The following ANKDD1A variants were observed in gnomAD, a reference collection of about 807,000 sequenced individuals.
The protein encoded by ANKDD1A is ankyrin repeat and death domain containing 1A, also known as ankyrin repeat and death domain-containing protein 1A.
In ANKDD1A, 59 loss-of-function variants were observed where a neutral mutation model predicts 63.5. That is an observed-to-expected ratio of 0.93 (90% confidence interval 0.75 to 1.15). The LOEUF (loss-of-function observed/expected upper bound fraction) is 1.15, where lower values mean the gene tolerates loss of function less well. ANKDD1A is among the 50% of genes most tolerant of loss of function. The pLI is 0.00. For missense variants in ANKDD1A, 632 were observed against 656.4 expected (o/e 0.96, Z 0.41); for synonymous variants, 266 against 263.9 (o/e 1.01, Z -0.08).
rs764296795 is a variant in ANKDD1A, at chr15:64,931,510, G to T, written c.693G>T (p.Ser231=). The change falls in exon 8 of 15, where the codon TCG becomes TCT. Residue 231 remains serine (S), a synonymous_variant. Transcript: ENST00000319580. The part of the protein sequence containing the change: ...QNAEGLTALH[S]AAGGSHPDCV... ...AGGAAGGTCTGACTGCCCTGCATTCGGCTGCTGGAGGATCCCACCCTGACT... is the reference window on the plus strand; with the variant it reads ...AGGAAGGTCTGACTGCCCTGCATTCTGCTGCTGGAGGATCCCACCCTGACT... 6.2e-7 allele frequency: 1 copy of T among 1,613,932 alleles called. No individual in the cohort carries two copies. The highest frequency in any genetic ancestry group is 1.7e-5 in the Admixed American group (1 of 60,014).
chr15:64,937,114 A>G (rs1361560816), intron 9 of ANKDD1A, among the ~76,000 whole-genome samples: 9 of 150,258 alleles, frequency 6.0e-5, no homozygotes, highest in Admixed American at 5.3e-4. Flanking sequence ...AGTTGGTACA[A>G]TCTGTTCAGA....
At chr15:64,935,225 CA>C (rs1243053667) in intron 9 of ANKDD1A, among the ~76,000 whole-genome samples, 79,287 of 98,800 alleles carry the variant, frequency 0.8, 31,292 homozygotes, top group Middle Eastern at 0.92. Context: ...GACTCTGTCT[CA>C]AAAAAAAAAA....
At chr15:64,941,036 C>A (rs2085180943) in intron 9 of ANKDD1A, among the ~76,000 whole-genome samples, 1 of 152,204 alleles carries the variant, frequency 6.6e-6, no homozygotes, top group Non-Finnish European at 1.5e-5. Flanking sequence ...AGCTACCACA[C>A]CTGGCCTTGC....
intron 14 of ANKDD1A, among the ~76,000 whole-genome samples, chr15:64,953,752 T>C (rs2085358389): frequency 7.6e-6 from 1 of 130,916 alleles, no homozygotes; most frequent in African/African-American, 2.6e-5. Context: ...TTTCCTCTTT[T>C]CTTCGTTCTT....
At chr15:64,953,478 CCTTCTCCTTCTTCT>C (rs2085341531) in intron 14 of ANKDD1A, among the ~76,000 whole-genome samples, 1 of 94,438 alleles carries the variant, frequency 1.1e-5, no homozygotes, top group African/African-American at 3.4e-5. Context: ...TCTTCCTCTT[CCTTCTCCTTCTTCT>C]TTAGTTCTTC....
chr15:64,954,942 CTCT>C lies in ANKDD1A; in HGVS notation c.1484-2154_1484-2152del, dbSNP rs1413247892. ...CTCTCCTTCTTCTCCTTCTTCTTGTCTCTTCTTCTCTCTCCTTCTTCTTCTCCT... is the reference window on the plus strand; with the variant it reads ...CTCTCCTTCTTCTCCTTCTTCTTGTCTCTTCTCTCTCCTTCTTCTTCTCCT... On this transcript the variant is annotated intron_variant, in intron 14 of 14. Coordinates refer to ENST00000319580, the MANE Select transcript of ANKDD1A (RefSeq NM_182703.6). 1.5e-3 allele frequency among the ~76,000 whole-genome samples: 182 copies of C among 122,890 alleles called. 1 individual carries two copies. Among genetic ancestry groups the C allele is most frequent in the African/African-American group, 4.9e-3 (175 of 35,490 alleles). 80.6% of individuals were successfully genotyped at this position (122,890 alleles called of 152,430 possible).
In ANKDD1A at chr15:64,934,206, C is replaced by T. The variant is rs2085110172; in HGVS notation, c.839C>T (p.Ala280Val). The T allele has an allele frequency of 6.2e-7, 1 of 1,612,200 alleles. No homozygotes were observed. Among genetic ancestry groups the T allele is most frequent in the Non-Finnish European group, 8.5e-7 (1 of 1,179,146 alleles). ...GATGTGTCTCGGGTCCTCATCCACG[C>T]AGGAGGCTGCGCCAACGTGGTTGAT... ...SEDVSRVLIHAGGCANVVDHQ... is the reference protein window; with the variant it reads ...SEDVSRVLIHVGGCANVVDHQ... The change falls in exon 9 of 15, where the codon GCA becomes GTA. Residue 280 changes from alanine to valine, a missense_variant. Physicochemically the swap from Ala to Val is moderately conservative, Grantham distance 64. Transcript: ENST00000319580.
intron 14 of ANKDD1A, among the ~76,000 whole-genome samples, chr15:64,954,562 C>T (rs1475294435): frequency 6.9e-6 from 1 of 144,484 alleles, no homozygotes; most frequent in Non-Finnish European, 1.5e-5. Context: ...CTTCTTCCTT[C>T]TCCTTGTTCT....
At chr15:64,932,160 T>C (rs1199016202) in intron 8 of ANKDD1A, 1 of 142,684 alleles carries the variant, frequency 7.0e-6, no homozygotes, top group Non-Finnish European at 1.6e-5. Context: ...CCTTCCAAAG[T>C]GTTGGGATTA....
intron 3 of ANKDD1A, among the ~76,000 whole-genome samples, chr15:64,920,379 A>G (rs2084999616): frequency 6.6e-6 from 1 of 151,978 alleles, no homozygotes; most frequent in Admixed American, 6.6e-5. Flanking sequence ...GCATAGACAT[A>G]TTTTCAGTTG....
Position 64,930,912 on chromosome 15 carries a change from C to T in ANKDD1A, c.661C>T (p.Gln221Ter), listed in dbSNP as rs771817803. Residue 221 changes from glutamine to a stop codon, truncating the protein, a stop_gained, in exon 7 of 15, where the codon CAG becomes TAG. Transcript: ENST00000319580. LOFTEE classifies it high-confidence loss of function. Reference protein sequence around the residue: ...LVDIGLDLEEQNAEGLTALHS... With the variant: ...LVDIGLDLEE ...GGACATCGGGCTGGACCTGGAGGAG[C>T]AGAATGCGGTGAGTCACCGCCTGGG... The T allele has an allele frequency of 6.2e-7, 1 of 1,611,390 alleles. No homozygotes were observed. Among genetic ancestry groups the T allele is most frequent in the South Asian group, 1.1e-5 (1 of 90,838 alleles).
chr15:64,916,095 A>G (rs2084966551), intron 2 of ANKDD1A, among the ~76,000 whole-genome samples, 195 bp downstream of exon 2: 1 of 152,180 alleles, frequency 6.6e-6, no homozygotes, highest in South Asian at 2.1e-4. Context: ...GCCCCCACCC[A>G]AGGTCAGGAC....
intron 7 of ANKDD1A, 48 bp downstream of exon 7, chr15:64,930,968 T>C (rs746662730): frequency 1.1e-5 from 18 of 1,578,342 alleles, no homozygotes; most frequent in Non-Finnish European, 1.5e-5. Flanking sequence ...TTGCTTGCTC[T>C]CTGCCTTCGA....
intron 6 of ANKDD1A, among the ~76,000 whole-genome samples, chr15:64,927,521 G>T (rs563214067): frequency 2.0e-5 from 3 of 152,208 alleles, no homozygotes; most frequent in African/African-American, 7.2e-5. Flanking sequence ...AAGGGACGGG[G>T]ACCAGAGGGT....
rs543305075 is a variant in ANKDD1A, at chr15:64,926,306, G to A, written c.471+136G>A. The A allele has an allele frequency of 1.2e-4, 101 of 839,442 alleles. No individual in the cohort carries two copies. The African/African-American group carries it at 1.3e-3, about 11-fold the overall frequency. 52.0% of individuals were successfully genotyped at this position (839,442 alleles called of 1,614,324 possible). ...CATATTGCACCTGGCCTGGGGAGCC[G>A]CTGGTTGGGAAGAGGTGTTGAGGCG... is the stretch of plus-strand genomic sequence containing the variant. On this transcript the variant is annotated intron_variant, in intron 5 of 14. Transcript: ENST00000319580.
At chr15:64,947,996 T>C (rs1278896944) in intron 13 of ANKDD1A, among the ~76,000 whole-genome samples, 5 of 152,194 alleles carry the variant, frequency 3.3e-5, no homozygotes, top group African/African-American at 7.2e-5. Context: ...GAGAGACTTA[T>C]TGATTTCAGA....
intron 14 of ANKDD1A, among the ~76,000 whole-genome samples, chr15:64,953,357 CT>C (rs2085337855): frequency 7.0e-6 from 1 of 142,234 alleles, no homozygotes; most frequent in Non-Finnish European, 1.5e-5. Context: ...CTTCTTAGTT[CT>C]TCTTTCTTCT....
intron 2 of ANKDD1A, among the ~76,000 whole-genome samples, chr15:64,917,176 T>A (rs1002406483): frequency 2.6e-5 from 4 of 152,170 alleles, no homozygotes; most frequent in African/African-American, 9.7e-5. Context: ...TGGGGACAGA[T>A]GGGTCCAGTC....
chr15:64,918,188 C>G (rs1247677604), intron 3 of ANKDD1A, among the ~76,000 whole-genome samples: 1 of 152,222 alleles, frequency 6.6e-6, no homozygotes, highest in Non-Finnish European at 1.5e-5. Flanking sequence ...CACGGCGAAA[C>G]TCCGTCTCTA....
Sources: allele counts gnomAD v4.1 joint callset (sites outside exome capture counted in the v4.1 genomes callset), GRCh38; gene constraint gnomAD v4.1.1; transcripts MANE v1.5; gene names NCBI Gene and HGNC (gene_info 2026-07-23, HGNC 2026-07-21).